Variants in TOX observed in about 807,000 individuals in gnomAD.
The protein encoded by TOX is thymocyte selection associated high mobility group box, also known as thymocyte selection-associated high mobility group box protein TOX.
In TOX, 11 loss-of-function variants were observed where a neutral mutation model predicts 53.7. The observed-to-expected ratio is 0.20, with a 90% CI of 0.13 to 0.34. TOX has a LOEUF of 0.34. Ranked by LOEUF, TOX falls within the 10% of genes least tolerant of loss-of-function variation. TOX has a pLI of 1.00. For missense variants in TOX, 570 were observed against 664.6 expected (o/e 0.86, Z 1.56); for synonymous variants, 225 against 245.3 (o/e 0.92, Z 0.77).
At chr8:58,994,949 T>A (rs144806013) in intron 1 of TOX, among the ~76,000 whole-genome samples, 1 of 152,226 alleles carries the variant, frequency 6.6e-6, no homozygotes, top group African/African-American at 2.4e-5. Context: ...CTTCCTTCCA[T>A]GTATCATCCA....
chr8:59,044,230 C>CAAAAAAAAA (rs78904701), intron 1 of TOX, among the ~76,000 whole-genome samples: 10 of 114,052 alleles, frequency 8.8e-5, no homozygotes, highest in East Asian at 7.7e-4. Context: ...TGGCACTCAT[C>CAAAAAAAAA]AAAAAAAAAA....
chr8:58,991,730 T>C (rs1308616950), intron 1 of TOX: 1 of 152,246 alleles, frequency 6.6e-6, no homozygotes, highest in Non-Finnish European at 1.5e-5. Context: ...CTCAGGCTTG[T>C]TGGCATTTCT....
chr8:58,901,756 A>G (rs1012624736), intron 3 of TOX, among the ~76,000 whole-genome samples: 1 of 152,180 alleles, frequency 6.6e-6, no homozygotes, highest in Non-Finnish European at 1.5e-5. Flanking sequence ...AAAAGTAATC[A>G]AGCTGGTTCA....
At chr8:59,061,240 G>A (rs1803979267) in intron 1 of TOX, among the ~76,000 whole-genome samples, 1 of 152,192 alleles carries the variant, frequency 6.6e-6, no homozygotes, top group African/African-American at 2.4e-5. Flanking sequence ...TTAAATGACT[G>A]GATCAAAGTA....
rs930658310 is a variant in TOX, at chr8:58,851,275, C to A, written c.693+249G>T. On this transcript the variant is annotated intron_variant, in intron 4 of 8. Coordinates refer to ENST00000361421, the MANE Select transcript of TOX (RefSeq NM_014729.3). The surrounding 1 kb of genome is among the most constrained non-coding windows in gnomAD (Gnocchi z 4.4). The stretch of plus-strand genomic sequence containing the variant: ...TGGTACATTGAATATACAGGCCCAA[C>A]CTTCTGTGGGCACAAACAACTTTTA... Among the ~76,000 whole-genome samples, 5 of 151,762 alleles carry A rather than the reference C, an allele frequency of 3.3e-5. No homozygotes were observed. The highest frequency in any genetic ancestry group is 9.7e-5 in the African/African-American group (4 of 41,278).
At chr8:58,862,840 AT>A (rs1490837870) in intron 3 of TOX, among the ~76,000 whole-genome samples, 1 of 152,160 alleles carries the variant, frequency 6.6e-6, no homozygotes, top group Non-Finnish European at 1.5e-5. Context: ...CTTGGTGATA[AT>A]AAAGTTATTA....
At chr8:59,101,130 C>T (rs748571902) in intron 1 of TOX, among the ~76,000 whole-genome samples, 3 of 152,132 alleles carry the variant, frequency 2.0e-5, no homozygotes, top group Non-Finnish European at 4.4e-5. Flanking sequence ...CAAGTGAATG[C>T]AGGGGTATTC....
intron 1 of TOX, among the ~76,000 whole-genome samples, chr8:59,109,163 C>T (rs956158905): frequency 6.6e-6 from 1 of 152,026 alleles, no homozygotes; most frequent in African/African-American, 2.4e-5. Flanking sequence ...TGTTTTTCTT[C>T]TAAACATCTC....
At chr8:58,999,362 G>A (rs922091117) in intron 1 of TOX, among the ~76,000 whole-genome samples, 2 of 151,300 alleles carry the variant, frequency 1.3e-5, no homozygotes, top group Admixed American at 1.3e-4. Flanking sequence ...ACTATGACCT[G>A]AAAAAGGACT....
In TOX at chr8:58,807,844, TG is replaced by T. The variant is rs1361865961; in HGVS notation, c.1545-62del. ...GGACAACCTGTGCTACAGGTGACAA[TG>T]GGGGGATGGATGTCTTTGAATTATT... On this transcript the variant is annotated intron_variant, in intron 8 of 8. Coordinates refer to ENST00000361421, the MANE Select transcript of TOX (RefSeq NM_014729.3). 13 of 1,596,084 alleles carry T rather than the reference TG, an allele frequency of 8.1e-6. No individual in the cohort carries two copies. In the South Asian group the frequency reaches 9.9e-5, roughly 12 times the overall value.
chr8:58,927,923 A>T (rs1585906102), intron 3 of TOX, among the ~76,000 whole-genome samples: 4 of 152,148 alleles, frequency 2.6e-5, no homozygotes, highest in African/African-American at 9.7e-5. Context: ...AGGCGGCCTC[A>T]CCCAGACCCA....
At chr8:59,095,677 G>A (rs948901462) in intron 1 of TOX, among the ~76,000 whole-genome samples, 1 of 152,230 alleles carries the variant, frequency 6.6e-6, no homozygotes, top group Non-Finnish European at 1.5e-5. Context: ...TGGGATTACA[G>A]GCGTGAGCCA....
chr8:59,085,164 C>T lies in TOX; in HGVS notation c.102+33722G>A, dbSNP rs572270692. ...ATCTGAGAGGAACTTTACTACCAAA[C>T]TTTAATGAAAGCAATCCCTTTCACT... On this transcript the variant is annotated intron_variant, in intron 1 of 8. Coordinates refer to ENST00000361421, the MANE Select transcript of TOX (RefSeq NM_014729.3). Among the ~76,000 whole-genome samples, 17 of 152,304 alleles carry T rather than the reference C, an allele frequency of 1.1e-4. No individual in the cohort carries two copies. In the South Asian group the frequency reaches 3.1e-3, roughly 28 times the overall value.
intron 1 of TOX, among the ~76,000 whole-genome samples, chr8:59,067,962 T>C (rs1008773118): frequency 1.6e-4 from 25 of 152,226 alleles, no homozygotes; most frequent in African/African-American, 6.0e-4. Context: ...AATTACCATA[T>C]GTAGAAATAA....
rs547701772 is a variant in TOX at position 59,044,537 on chromosome 8, G to A, written c.102+74349C>T. Among the ~76,000 whole-genome samples the A allele has an allele frequency of 1.1e-4, 16 of 152,232 alleles. 1 individual carries two copies. The South Asian group carries it at 3.3e-3, about 32-fold the overall frequency. ...ATATTTATAACATTTTATATTCAAA[G>A]CATTTCAGAGAGTTTTCTGTAAAAG... On this transcript the variant is annotated intron_variant, in intron 1 of 8. Transcript: ENST00000361421.
intron 3 of TOX, among the ~76,000 whole-genome samples, chr8:58,913,556 G>T: frequency 6.6e-6 from 1 of 151,852 alleles, no homozygotes; most frequent in South Asian, 2.1e-4. Flanking sequence ...TCATTCTCTT[G>T]GTGCTTCACC....
chr8:58,866,037 G>A (rs1373486647), intron 3 of TOX, among the ~76,000 whole-genome samples: 1 of 151,992 alleles, frequency 6.6e-6, no homozygotes, highest in Non-Finnish European at 1.5e-5. Context: ...GTTTTACCAT[G>A]TTGCCCAGGC....
chr8:58,946,956 G>C (rs1812532015), intron 2 of TOX, among the ~76,000 whole-genome samples: 1 of 152,016 alleles, frequency 6.6e-6, no homozygotes, highest in South Asian at 2.1e-4. Flanking sequence ...TCTTCTTTTA[G>C]TTGCATTTAT....
intron 2 of TOX, among the ~76,000 whole-genome samples, chr8:58,944,593 T>C (rs534256526): frequency 6.6e-6 from 1 of 152,338 alleles, no homozygotes; most frequent in South Asian, 2.1e-4. Flanking sequence ...GGACAAGGTC[T>C]GCTTCCAAGT....
Sources: gnomAD v4.1 joint callset for allele counts (sites outside exome capture counted in the v4.1 genomes callset) on GRCh38, gnomAD v4.1.1 for gene constraint, Gnocchi (gnomAD v3.1) non-coding constraint, MANE v1.5 for transcripts, NCBI Gene and HGNC (gene_info 2026-07-23, HGNC 2026-07-21) for gene names.